The following TUBGCP3 variants were observed in gnomAD, a reference collection of about 807,000 sequenced individuals.
The protein encoded by TUBGCP3 is gamma-tubulin complex component 3.
In TUBGCP3, 50 loss-of-function variants were observed where a neutral mutation model predicts 123.1. The ratio of observed to expected loss-of-function variants is 0.41; its 90% CI spans 0.32 to 0.51. TUBGCP3 has a LOEUF of 0.51. TUBGCP3 is among the 20% of genes least tolerant of loss of function. TUBGCP3 has a pLI of 0.36. For synonymous variants in TUBGCP3, 405 were observed against 413.9 expected, an observed-to-expected ratio of 0.98 and a Z score of 0.26; for missense variants, 882 against 1,127.0, an observed-to-expected ratio of 0.78 and a Z score of 3.11.
intron 20 of TUBGCP3, among the ~76,000 whole-genome samples, chr13:112,491,185 TTTTC>T (rs1342398608): frequency 6.6e-6 from 1 of 152,230 alleles, no homozygotes; most frequent in Non-Finnish European, 1.5e-5. Flanking sequence ...TCCTTTGGCT[TTTTC>T]TTTAGGTTTC....
chr13:112,545,692 T>A lies in TUBGCP3; in HGVS notation c.1335+7A>T. 6.2e-7 allele frequency: 1 copy of A among 1,610,398 alleles called. No homozygotes were observed. ...TCCAAGTCTCAGAACCGAACACCGA[T>A]CCTTACTTCGTGGTAAGTGTCCTCA... On this transcript the variant is annotated splice_region_variant and intron_variant, in intron 11 of 21. Coordinates refer to ENST00000261965, the MANE Select transcript of TUBGCP3 (RefSeq NM_006322.6). The surrounding 1 kb of genome is among the most constrained non-coding windows in gnomAD (Gnocchi z 4.1).
rs527952427 is a variant in TUBGCP3 at position 112,492,875 on chromosome 13, G to A, written c.2449-3178C>T. ...ACACTCTAGCTTTGGGAACAGGCCT[G>A]GTGTCCCTGAGACACTCTAGCTTTG... On this transcript the variant is annotated intron_variant, in intron 20 of 21. Transcript: ENST00000261965. 6.3e-5 allele frequency among the ~76,000 whole-genome samples: 9 copies of A among 143,812 alleles called. No homozygotes were observed. The South Asian group carries it at 2.0e-3, about 32-fold the overall frequency. The allele number at this position is 143,812 out of a possible 152,430, so 94.3% of individuals were successfully genotyped here. A position where few individuals can be genotyped will look rare whatever the true frequency, so the allele number is the denominator to read the frequency against.
rs186838466 is a variant in TUBGCP3 at position 112,495,121 on chromosome 13, C to T, written c.2448+3924G>A. 2.0e-5 allele frequency among the ~76,000 whole-genome samples: 3 copies of T among 152,334 alleles called. No homozygotes were observed. In the East Asian group the frequency reaches 5.8e-4, roughly 29 times the overall value. On this transcript the variant is annotated intron_variant, in intron 20 of 21. Transcript: ENST00000261965. ...GGCTGCCAGTGCTTGCAGAGTATTA[C>T]TCAAGACATTTTGCCCAGACCAATG...
chr13:112,537,448 TTGAC>T (rs1878156395), intron 11 of TUBGCP3, among the ~76,000 whole-genome samples: 1 of 152,190 alleles, frequency 6.6e-6, no homozygotes. Flanking sequence ...CTTACATTGA[TTGAC>T]TTTGATTATA....
chr13:112,604,635 T>C, the TUBGCP3 span: 1 of 152,196 alleles, frequency 6.6e-6, no homozygotes, highest in Non-Finnish European at 1.5e-5. Context: ...AATAAGTTTT[T>C]TCCTGCTCCT....
intron 8 of TUBGCP3, among the ~76,000 whole-genome samples, chr13:112,550,251 TTTTTAA>T (rs1879448823): frequency 6.6e-6 from 1 of 152,162 alleles, no homozygotes; most frequent in African/African-American, 2.4e-5. Flanking sequence ...CAAAAAATTT[TTTTTAA>T]TTGTTTTTTA....
intron 12 of TUBGCP3, 62 bp from the exon 13 acceptor site, chr13:112,527,112 C>T: frequency 2.2e-6 from 3 of 1,379,372 alleles, no homozygotes; most frequent in Non-Finnish European, 2.0e-6. Context: ...CCCAAATCTA[C>T]AAATATTCGT....
At chr13:112,495,130 T>C (rs1475146822) in intron 20 of TUBGCP3, among the ~76,000 whole-genome samples, 1 of 152,214 alleles carries the variant, frequency 6.6e-6, no homozygotes, top group Admixed American at 6.5e-5. Flanking sequence ...ACTCAAGACA[T>C]TTTGCCCAGA....
rs529364892 is a variant in TUBGCP3, at chr13:112,586,432, GA to G, written c.76+1472del. Among the ~76,000 whole-genome samples the G allele has an allele frequency of 2.2e-3, 336 of 152,232 alleles. 2 individuals carry two copies. Among genetic ancestry groups the G allele is most frequent in the African/African-American group, 7.7e-3 (320 of 41,528 alleles). On this transcript the variant is annotated intron_variant, in intron 1 of 21. Transcript: ENST00000261965. ...AGTCCTAACAATCTTAGTTTTATCT[GA>G]TTCCCCCTATGACGAGGAACATGAA... is the stretch of plus-strand genomic sequence containing the variant.
intron 1 of TUBGCP3, among the ~76,000 whole-genome samples, chr13:112,572,701 G>C (rs1881507674): frequency 6.6e-6 from 1 of 152,126 alleles, no homozygotes; most frequent in South Asian, 2.1e-4. Context: ...GATTAAGTTT[G>C]CGCACTTCAT....
chr13:112,508,730 A>G lies in TUBGCP3; in HGVS notation c.2087-4016T>C, dbSNP rs1414539097. Among the ~76,000 whole-genome samples, 1 of 152,092 alleles carries G rather than the reference A, an allele frequency of 6.6e-6. No individual in the cohort carries two copies. Among genetic ancestry groups the G allele is most frequent in the African/African-American group, 2.4e-5 (1 of 41,414 alleles). On this transcript the variant is annotated intron_variant, in intron 17 of 21. Transcript: ENST00000261965. The surrounding 1 kb of genome is among the most constrained non-coding windows in gnomAD (Gnocchi z 4.2). ...ATGGAATCACTATCCCCCCCAAAGAAGCTCTTCCTCCAGTGCTCCCTGGGT... is the reference window on the plus strand; with the variant it reads ...ATGGAATCACTATCCCCCCCAAAGAGGCTCTTCCTCCAGTGCTCCCTGGGT...
chr13:112,580,024 T>G (rs944092008), intron 1 of TUBGCP3, among the ~76,000 whole-genome samples: 1 of 152,236 alleles, frequency 6.6e-6, no homozygotes. Context: ...GATATGGCAC[T>G]GTAAATGCAT....
intron 11 of TUBGCP3, among the ~76,000 whole-genome samples, chr13:112,530,490 A>C (rs535261444): frequency 6.6e-6 from 1 of 152,358 alleles, no homozygotes; most frequent in East Asian, 1.9e-4. Context: ...TTATAGGTGG[A>C]TGTTTTCCAA....
chr13:112,558,822 C>T (rs1880266910), intron 4 of TUBGCP3, among the ~76,000 whole-genome samples: 1 of 152,194 alleles, frequency 6.6e-6, no homozygotes, highest in South Asian at 2.1e-4. Flanking sequence ...CACGCTTCAA[C>T]CTCTTTGCAC....
chr13:112,539,244 GGCCCAGAGA>G (rs1252053361), intron 11 of TUBGCP3, among the ~76,000 whole-genome samples: 1 of 152,172 alleles, frequency 6.6e-6, no homozygotes, highest in Non-Finnish European at 1.5e-5. Flanking sequence ...GGGAAGGGAA[GGCCCAGAGA>G]GGTGAAGGTA....
chr13:112,502,849 T>A (rs541178443), intron 19 of TUBGCP3, among the ~76,000 whole-genome samples: 3 of 152,256 alleles, frequency 2.0e-5, no homozygotes, highest in Middle Eastern at 3.4e-3. Context: ...CCGGCCTGTA[T>A]ATTTCTTTAA....
upstream of TUBGCP3, among the ~76,000 whole-genome samples, chr13:112,589,081 C>A (rs528122239): frequency 1.3e-5 from 2 of 152,354 alleles, no homozygotes; most frequent in African/African-American, 4.8e-5. Context: ...CAACAACCAT[C>A]ACAGCTCTGC....
rs370686324 is a variant in TUBGCP3, at chr13:112,522,296, A to C, written c.1745+24T>G. The C allele has an allele frequency of 4.7e-6, 7 of 1,497,884 alleles. No individual in the cohort carries two copies. In the African/African-American group the frequency reaches 9.7e-5, roughly 21 times the overall value. The allele number at this position is 1,497,884 out of a possible 1,614,324, so 92.8% of individuals were successfully genotyped here. A position where few individuals can be genotyped will look rare whatever the true frequency, so the allele number is the denominator to read the frequency against. On this transcript the variant is annotated intron_variant, in intron 14 of 21. Transcript: ENST00000261965. ...ATCATGTCAAATATATTACTTATTT[A>C]TAGAAATCAAAATAGTGCCTTACTT...
At chr13:112,528,204 A>G (rs2139096002) in intron 11 of TUBGCP3, among the ~76,000 whole-genome samples, 1 of 152,362 alleles carries the variant, frequency 6.6e-6, no homozygotes, top group African/African-American at 2.4e-5. Flanking sequence ...TGCCACTACA[A>G]CAATGCAGCC....
Sources: gnomAD v4.1 joint callset for allele counts (sites outside exome capture counted in the v4.1 genomes callset) on GRCh38, gnomAD v4.1.1 for gene constraint, Gnocchi (gnomAD v3.1) non-coding constraint, MANE v1.5 for transcripts, NCBI Gene and HGNC (gene_info 2026-07-23, HGNC 2026-07-21) for gene names.